Variants in SETBP1 observed in about 807,000 individuals in gnomAD.
SETBP1 encodes the protein SET-binding protein.
In SETBP1, 9 loss-of-function variants were observed where a neutral mutation model predicts 101.0. The ratio of observed to expected loss-of-function variants is 0.09; its 90% CI spans 0.05 to 0.16. SETBP1 has a LOEUF of 0.16. Ranked by LOEUF, SETBP1 falls within the 10% of genes least tolerant of loss-of-function variation. SETBP1 has a pLI of 1.00. For missense variants in SETBP1, 1,858 were observed against 2,033.8 expected, an observed-to-expected ratio of 0.91 and a Z score of 1.66; for synonymous variants, 818 against 788.5, an observed-to-expected ratio of 1.04 and a Z score of -0.63.
At chr18:44,792,566 C>A (rs551241566) in intron 2 of SETBP1, among the ~76,000 whole-genome samples, 6 of 152,202 alleles carry the variant, frequency 3.9e-5, no homozygotes, top group African/African-American at 7.2e-5. Flanking sequence ...TGCCCACCAC[C>A]GCCTGGAGTA....
intron 2 of SETBP1, among the ~76,000 whole-genome samples, chr18:44,771,243 G>T (rs1668291733): frequency 6.8e-6 from 1 of 147,276 alleles, no homozygotes; most frequent in African/African-American, 2.5e-5. Context: ...TGGATGGTAG[G>T]ATTGAGAGTG....
At chr18:44,866,285 C>T (rs583773) in intron 2 of SETBP1, among the ~76,000 whole-genome samples, 134 of 152,330 alleles carry the variant, frequency 8.8e-4, no homozygotes, top group Non-Finnish European at 1.5e-3. Context: ...AGGAAACATG[C>T]TAGGCGCTGA....
chr18:44,744,608 G>A (rs919543662), intron 2 of SETBP1, among the ~76,000 whole-genome samples: 3 of 152,124 alleles, frequency 2.0e-5, no homozygotes, highest in Admixed American at 6.5e-5. Context: ...GGCGAATGTC[G>A]CGCACCCAGT....
At chr18:44,722,462 G>A (rs2069620951) in intron 2 of SETBP1, among the ~76,000 whole-genome samples, 1 of 152,190 alleles carries the variant, frequency 6.6e-6, no homozygotes. Context: ...TAAGGGAGAT[G>A]TTAGAGTAGT....
At chr18:44,827,876 G>T (rs1029209004) in intron 2 of SETBP1, among the ~76,000 whole-genome samples, 1 of 152,176 alleles carries the variant, frequency 6.6e-6, no homozygotes, top group Admixed American at 6.5e-5. Flanking sequence ...TAGTTCCCTA[G>T]GTGGGAAATG....
intron 2 of SETBP1, among the ~76,000 whole-genome samples, chr18:44,723,248 G>A (rs1385593064): frequency 6.6e-6 from 1 of 152,112 alleles, no homozygotes; most frequent in Admixed American, 6.6e-5. Flanking sequence ...GACAAACTCT[G>A]CCTATAAAGA....
intron 2 of SETBP1, among the ~76,000 whole-genome samples, chr18:44,757,929 A>T (rs1234294241): frequency 6.6e-6 from 1 of 152,222 alleles, no homozygotes; most frequent in African/African-American, 2.4e-5. Flanking sequence ...AAGACATCCC[A>T]GGTACATCAT....
At chr18:45,004,533 C>T (rs749602583) in intron 4 of SETBP1, among the ~76,000 whole-genome samples, 11 of 152,118 alleles carry the variant, frequency 7.2e-5, no homozygotes, top group Non-Finnish European at 1.5e-4. Flanking sequence ...TGTGAGGAAA[C>T]AAGAATTATA....
intron 3 of SETBP1, among the ~76,000 whole-genome samples, chr18:44,934,981 C>T (rs1269210378): frequency 6.6e-6 from 1 of 152,172 alleles, no homozygotes; most frequent in African/African-American, 2.4e-5. Flanking sequence ...GACATGGGGA[C>T]CCACATGACC....
At chr18:44,997,688 A>G (rs1328253705) in intron 4 of SETBP1, among the ~76,000 whole-genome samples, 3 of 152,224 alleles carry the variant, frequency 2.0e-5, no homozygotes, top group Non-Finnish European at 4.4e-5. Flanking sequence ...ATTAGCAATA[A>G]TTTAGCAGTT....
At chr18:44,914,765 T>C (rs1050345643) in intron 3 of SETBP1, among the ~76,000 whole-genome samples, 4 of 151,922 alleles carry the variant, frequency 2.6e-5, no homozygotes, top group African/African-American at 9.7e-5. Flanking sequence ...TGAAGTACTA[T>C]AGGAACAGAA....
intron 2 of SETBP1, chr18:44,733,334 C>A (rs1438093739): frequency 3.3e-5 from 5 of 152,200 alleles, no homozygotes; most frequent in Non-Finnish European, 7.3e-5. Context: ...ATAACAAGCC[C>A]CAAATGTGAT....
At chr18:44,894,368 G>A (rs1274535717) in intron 3 of SETBP1, among the ~76,000 whole-genome samples, 1 of 152,054 alleles carries the variant, frequency 6.6e-6, no homozygotes, top group East Asian at 1.9e-4. Flanking sequence ...AGTAAACAGG[G>A]ATGTGTATTC....
At chr18:44,796,178 G>A (rs919572800) in intron 2 of SETBP1, among the ~76,000 whole-genome samples, 8 of 152,144 alleles carry the variant, frequency 5.3e-5, no homozygotes, top group Non-Finnish European at 1.2e-4. Flanking sequence ...TTCATTTTCA[G>A]TCAGCTCAGT....
intron 4 of SETBP1, among the ~76,000 whole-genome samples, chr18:44,969,125 C>G (rs2071784827): frequency 6.6e-6 from 1 of 152,168 alleles, no homozygotes; most frequent in Non-Finnish European, 1.5e-5. Context: ...CTCATATCCA[C>G]TGAAATTCTT....
chr18:44,696,034 G>A (rs962945830), intron 1 of SETBP1, among the ~76,000 whole-genome samples: 1 of 152,142 alleles, frequency 6.6e-6, no homozygotes, highest in Non-Finnish European at 1.5e-5. Flanking sequence ...GATGACAATG[G>A]CCTGTATGTG....
At chr18:44,992,102 T>C (rs1261682735) in intron 4 of SETBP1, among the ~76,000 whole-genome samples, 1 of 152,120 alleles carries the variant, frequency 6.6e-6, no homozygotes, top group Non-Finnish European at 1.5e-5. Context: ...TGCAGCTAGG[T>C]TGATTCTTGG....
chr18:44,953,223 G>C lies in SETBP1; in HGVS notation c.3883G>C (p.Val1295Leu). 6.2e-7 allele frequency: 1 copy of C among 1,614,138 alleles called. No individual in the cohort carries two copies. Among genetic ancestry groups the C allele is most frequent in the South Asian group, 1.1e-5 (1 of 91,078 alleles). ...TTCGAATGACAAGTGGGACAGTGAC[G>C]TGAGTGGGAGTAAAAGGAGGAGCTA... is the stretch of plus-strand genomic sequence containing the variant. Reference protein sequence around the residue: ...NPSNDKWDSDVSGSKRRSYEG... With the variant: ...NPSNDKWDSDLSGSKRRSYEG... The change falls in exon 4 of 6, where the codon GTG (valine) becomes CTG (leucine). Residue 1295 changes from valine to leucine, a missense_variant. Physicochemically the swap from Val to Leu is conservative, Grantham distance 32. Around this residue, in one of 12 missense-constraint regions of SETBP1, gnomAD observed 417 missense variants for 389.1 expected, o/e 1.07. Coordinates refer to ENST00000649279, the MANE Select transcript of SETBP1 (RefSeq NM_015559.3).
At chr18:44,927,796 A>G (rs138934833) in intron 3 of SETBP1, among the ~76,000 whole-genome samples, 235 of 152,340 alleles carry the variant, frequency 1.5e-3, no homozygotes, top group Middle Eastern at 3.4e-3. Context: ...GACTAGGGTT[A>G]AATGGTGCAG....
Sources: gnomAD v4.1 joint callset for allele counts (sites outside exome capture counted in the v4.1 genomes callset) on GRCh38, gnomAD v4.1.1 for gene constraint, gnomAD v4.1.1 regional missense constraint, MANE v1.5 for transcripts, NCBI Gene and HGNC (gene_info 2026-07-23, HGNC 2026-07-21) for gene names.